PDXDC1: variants seen among roughly 807,000 people sequenced by gnomAD.
The protein encoded by PDXDC1 is pyridoxal-dependent decarboxylase domain-containing protein 1.
PDXDC1 carries 42 observed loss-of-function variants against 100.1 expected under a neutral mutation model. The observed-to-expected ratio is 0.42, with a 90% CI of 0.33 to 0.54. The LOEUF is 0.54. Among genes scored for constraint, PDXDC1 ranks in the 20% least tolerant of loss-of-function variants. The pLI is 0.10. For missense variants in PDXDC1, 636 were observed against 979.2 expected (o/e 0.65, Z 4.68); for synonymous variants, 260 against 371.7 (o/e 0.70, Z 3.46).
chr16:15,064,504 A>G (rs932888173), intron 16 of PDXDC1, among the ~76,000 whole-genome samples: 2 of 152,162 alleles, frequency 1.3e-5, no homozygotes, highest in African/African-American at 4.8e-5. Context: ...ATCCTGTGCA[A>G]CAGAATGGTA....
At chr16:15,111,584 C>T (rs1410015747) in intron 16 of PDXDC1, among the ~76,000 whole-genome samples, 4 of 147,108 alleles carry the variant, frequency 2.7e-5, no homozygotes, top group African/African-American at 9.8e-5. Flanking sequence ...ATGGTGAAAC[C>T]CCGTCTCTAC....
intron 16 of PDXDC1, chr16:15,055,592 G>A (rs1021532505): frequency 5.2e-5 from 15 of 286,662 alleles, no homozygotes; most frequent in African/African-American, 2.8e-4. Flanking sequence ...CCCCGTCGGG[G>A]AATGGGGGTC....
At chr16:15,076,571 C>A in intron 16 of PDXDC1, 1 of 1,610,626 alleles carries the variant, frequency 6.2e-7, no homozygotes, top group Non-Finnish European at 8.5e-7. Context: ...ATTAAACAAT[C>A]CTTCCGTGGA....
At chr16:15,033,595 C>G (rs770206618) in intron 19 of PDXDC1, among the ~76,000 whole-genome samples, 196 bp downstream of exon 19, 11 of 152,228 alleles carry the variant, frequency 7.2e-5, no homozygotes, top group Non-Finnish European at 1.6e-4. Flanking sequence ...CCCCAGTGAT[C>G]TCACAAGCTC....
At chr16:15,146,975 C>G in the PDXDC1 span, among the ~76,000 whole-genome samples, 3 of 152,076 alleles carry the variant, frequency 2.0e-5, no homozygotes. Flanking sequence ...GACGTGAACC[C>G]AAGTCTGACT....
Position 15,086,164 on chromosome 16 carries a change from G to A in PDXDC1, c.1400-52715G>A, listed in dbSNP as rs147815523. The stretch of plus-strand genomic sequence containing the variant: ...ATGGGAAGCAATCATGCTGAGACAC[G>A]GTCTGAGGAAAACAGTCTGTGCTGA... On this transcript the variant is annotated intron_variant, in intron 16 of 16. Coordinates refer to the PDXDC1 transcript ENST00000535621. 90 of 1,606,984 alleles carry A rather than the reference G, an allele frequency of 5.6e-5. No homozygotes were observed. The African/African-American group carries it at 6.4e-4, about 12-fold the overall frequency.
Position 15,046,782 on chromosome 16 carries a change from G to A in PDXDC1, c.1399+16726G>A, listed in dbSNP as rs572599912. On this transcript the variant is annotated intron_variant, in intron 16 of 16. Transcript: ENST00000535621. ...CCCAGCTACTTGGGAGGCTGAGGTC[G>A]GAGAATCACCTGAGTCCACAAAGTC... 1.1e-4 allele frequency among the ~76,000 whole-genome samples: 17 copies of A among 151,346 alleles called. No individual in the cohort carries two copies. The East Asian group carries it at 1.2e-3, about 10-fold the overall frequency.
At chr16:15,033,115 T>C in intron 18 of PDXDC1, 136 bp downstream of exon 18, 1 of 961,228 alleles carries the variant, frequency 1.0e-6, no homozygotes, top group Admixed American at 1.9e-5. Flanking sequence ...TTCTGAGACC[T>C]CCCTCCCCTT....
intron 1 of PDXDC1, among the ~76,000 whole-genome samples, chr16:14,985,145 G>C (rs530299089): frequency 6.6e-6 from 1 of 152,384 alleles, no homozygotes; most frequent in East Asian, 1.9e-4. Context: ...CCAAAGTGCT[G>C]GGATTACAGG....
At chr16:14,994,910 TG>T (rs1417093775) in intron 1 of PDXDC1, among the ~76,000 whole-genome samples, 3 of 152,304 alleles carry the variant, frequency 2.0e-5, no homozygotes, top group Admixed American at 2.0e-4. Flanking sequence ...CAATTGTGAA[TG>T]GGAGTTCACT....
At chr16:14,983,976 AAC>A (rs1968628384) in intron 1 of PDXDC1, among the ~76,000 whole-genome samples, 1 of 152,252 alleles carries the variant, frequency 6.6e-6, no homozygotes, top group East Asian at 1.9e-4. Context: ...CAGCCAGGGC[AAC>A]ACAGTGAGAC....
At position 15,036,917 on chromosome 16, in the gene PDXDC1, C is replaced by A. The variant is rs967113037; in HGVS notation, c.*642C>A. ...CAAGGCCATTTCTCCCATTATATAC[C>A]GTTTGTAAAGAGAAACTGTAAAGTC... On this transcript the variant is annotated 3_prime_UTR_variant, in exon 23 of 23. Coordinates refer to ENST00000396410, the MANE Select transcript of PDXDC1 (RefSeq NM_015027.4). The A allele has an allele frequency of 2.0e-5, 3 of 152,742 alleles. No individual in the cohort carries two copies. Among genetic ancestry groups the A allele is most frequent in the African/African-American group, 4.8e-5 (2 of 41,402 alleles). 9.5% of individuals were successfully genotyped at this position (152,742 alleles called of 1,614,324 possible).
chr16:14,979,764 C>G (rs1336305315), intron 1 of PDXDC1, among the ~76,000 whole-genome samples: 1 of 152,392 alleles, frequency 6.6e-6, no homozygotes, highest in Non-Finnish European at 1.5e-5. Context: ...TGCTGTTATG[C>G]TAGAGGTTTA....
intron 16 of PDXDC1, among the ~76,000 whole-genome samples, chr16:15,119,409 T>A (rs71264352): frequency 4.8e-4 from 65 of 136,372 alleles, no homozygotes; most frequent in East Asian, 3.9e-3. Context: ...AAAAAAAAAA[T>A]TTTTTTTGTT....
At chr16:15,133,217 C>T in intron 16 of PDXDC1, 40 of 1,270,846 alleles carry the variant, frequency 3.1e-5, no homozygotes, top group Non-Finnish European at 4.4e-5. Context: ...TCTTGGTCCC[C>T]AGCACGCATG....
In PDXDC1 at chr16:15,038,313, T is replaced by C. The variant is rs2043631989; in HGVS notation, c.*2038T>C. On this transcript the variant is annotated 3_prime_UTR_variant, in exon 23 of 23. Transcript: ENST00000396410. ...TGTTCTTGGACACAAATATATATAA[T>C]AAAATACGTTAAGAAATGAGGTGGC... 1.2e-6 allele frequency: 1 copy of C among 817,040 alleles called. No homozygotes were observed. Among genetic ancestry groups the C allele is most frequent in the African/African-American group, 1.7e-5 (1 of 57,418 alleles). 50.6% of individuals were successfully genotyped at this position (817,040 alleles called of 1,614,324 possible).
Position 14,975,098 on chromosome 16 carries a change from G to A in PDXDC1, c.-102G>A. ...TCCTCTTCTCCGCCCCGCCGGCCGCGGGCGCGGGGGACGTCAGCGCTGCCA... is the reference window on the plus strand; with the variant it reads ...TCCTCTTCTCCGCCCCGCCGGCCGCAGGCGCGGGGGACGTCAGCGCTGCCA... On this transcript the variant is annotated 5_prime_UTR_variant, in exon 1 of 23. Coordinates refer to ENST00000396410, the MANE Select transcript of PDXDC1 (RefSeq NM_015027.4). 6.8e-7 allele frequency: 1 copy of A among 1,467,738 alleles called. No individual in the cohort carries two copies. Among genetic ancestry groups the A allele is most frequent in the South Asian group, 1.4e-5 (1 of 70,920 alleles). 90.9% of individuals were successfully genotyped at this position (1,467,738 alleles called of 1,614,324 possible). A position where few individuals can be genotyped will look rare whatever the true frequency, so the allele number is the denominator to read the frequency against.
At chr16:15,061,826 C>T in intron 16 of PDXDC1, 1 of 1,614,182 alleles carries the variant, frequency 6.2e-7, no homozygotes, top group South Asian at 1.1e-5. Context: ...GTCAAAGGAG[C>T]TTGGTGTGAT....
chr16:15,123,316 C>T lies in PDXDC1; in HGVS notation c.1400-15563C>T, dbSNP rs1598181840. ...CTGATTTCTGGTCCACCCCAACCAGCTCCCTGTCCCTGCTTCTGGGCGCTC... is the reference window on the plus strand; with the variant it reads ...CTGATTTCTGGTCCACCCCAACCAGTTCCCTGTCCCTGCTTCTGGGCGCTC... On this transcript the variant is annotated intron_variant, in intron 16 of 16. Coordinates refer to the PDXDC1 transcript ENST00000535621. 14 of 1,376,926 alleles carry T rather than the reference C, an allele frequency of 1.0e-5. No individual in the cohort carries two copies. In the East Asian group the frequency reaches 1.8e-4, roughly 17 times the overall value. 85.3% of individuals were successfully genotyped at this position (1,376,926 alleles called of 1,614,324 possible). A position where few individuals can be genotyped will look rare whatever the true frequency, so the allele number is the denominator to read the frequency against.
Sources: gnomAD v4.1 joint callset for allele counts (sites outside exome capture counted in the v4.1 genomes callset) on GRCh38, gnomAD v4.1.1 for gene constraint, MANE v1.5 for transcripts, NCBI Gene and HGNC (gene_info 2026-07-23, HGNC 2026-07-21) for gene names.